The following DYRK1A variants were observed in gnomAD, a reference collection of about 807,000 sequenced individuals.
DYRK1A encodes the protein dual specificity tyrosine phosphorylation regulated kinase 1A.
A neutral mutation model predicts 79.7 loss-of-function variants in DYRK1A; 9 were observed. That is an observed-to-expected ratio of 0.11 (90% confidence interval 0.07 to 0.20). The LOEUF (loss-of-function observed/expected upper bound fraction) is 0.20. DYRK1A is among the 10% of genes least tolerant of loss of function. DYRK1A has a pLI of 1.00. For synonymous variants in DYRK1A, 349 were observed against 329.7 expected (o/e 1.06, Z -0.63); for missense variants, 622 against 956.0 (o/e 0.65, Z 4.61).
intron 2 of DYRK1A, among the ~76,000 whole-genome samples, chr21:37,424,164 G>A (rs1419527227): frequency 1.3e-5 from 2 of 152,060 alleles, no homozygotes; most frequent in Non-Finnish European, 1.5e-5. Context: ...AATTGTTGTC[G>A]TGGTCGTGTG....
At chr21:37,443,993 C>T (rs138837011) in intron 2 of DYRK1A, among the ~76,000 whole-genome samples, 8 of 152,254 alleles carry the variant, frequency 5.3e-5, no homozygotes, top group East Asian at 1.9e-4. Flanking sequence ...TGACCTGTAA[C>T]GTTGCCCCTG....
intron 2 of DYRK1A, among the ~76,000 whole-genome samples, chr21:37,443,684 C>T (rs1411365946): frequency 2.0e-5 from 3 of 151,970 alleles, no homozygotes; most frequent in Admixed American, 6.6e-5. Flanking sequence ...TCGATGTTTC[C>T]CATTCTGGTT....
At chr21:37,479,231 A>C (rs190868952) in intron 4 of DYRK1A, among the ~76,000 whole-genome samples, 1 of 152,338 alleles carries the variant, frequency 6.6e-6, no homozygotes. Flanking sequence ...ATTAGAATGA[A>C]CTCTGTGAGG....
At chr21:37,391,596 T>A (rs894810273) in intron 1 of DYRK1A, among the ~76,000 whole-genome samples, 1 of 152,244 alleles carries the variant, frequency 6.6e-6, no homozygotes, top group Non-Finnish European at 1.5e-5. Context: ...TTTGCAGTCC[T>A]CCTTAACCCC....
intron 1 of DYRK1A, among the ~76,000 whole-genome samples, chr21:37,375,338 T>C (rs1251386086): frequency 2.0e-5 from 3 of 152,192 alleles, no homozygotes; most frequent in Non-Finnish European, 4.4e-5. Flanking sequence ...AATAGATGTA[T>C]AGGCAGCTAC....
intron 2 of DYRK1A, among the ~76,000 whole-genome samples, chr21:37,431,254 C>G (rs1569315831): frequency 6.6e-6 from 1 of 152,180 alleles, no homozygotes; most frequent in Non-Finnish European, 1.5e-5. Context: ...GCTGTTGGCT[C>G]CTTCGCTTGC....
In DYRK1A at chr21:37,478,262, T is replaced by A; in HGVS notation, c.262T>A (p.Ser88Thr). Residue 88 changes from serine (S) to threonine (T), a missense_variant, in exon 4 of 12, where the codon TCT (serine) becomes ACT (threonine). Transcript: ENST00000647188. ...AGCAACTGCTCCCCTGAGAAAACTT[T>A]CTGTTGACTTGATCAAAACATACAA... The part of the protein sequence containing the change: ...DPATAPLRKL[S>T]VDLIKTYKHI... The A allele has an allele frequency of 1.2e-6, 2 of 1,614,106 alleles. No homozygotes were observed. The highest frequency in any genetic ancestry group is 1.7e-6 in the Non-Finnish European group (2 of 1,179,964).
intron 2 of DYRK1A, among the ~76,000 whole-genome samples, chr21:37,445,794 G>A (rs1332453950): frequency 6.6e-6 from 1 of 152,108 alleles, no homozygotes; most frequent in Non-Finnish European, 1.5e-5. Flanking sequence ...GTAATCAGAT[G>A]CCAAGAAAAA....
At position 37,519,432 on chromosome 21, in the gene DYRK1A, T is replaced by G. The variant is rs1345327639; in HGVS notation, c.*6901T>G. The G allele has an allele frequency of 6.6e-6, 1 of 152,244 alleles. No homozygotes were observed. Among genetic ancestry groups the G allele is most frequent in the Non-Finnish European group, 1.5e-5 (1 of 68,054 alleles). The allele number at this position is 152,244 out of a possible 1,614,324, so 9.4% of individuals were successfully genotyped here. ...CCACTTAGGAGATGCTGTGCATGCC[T>G]CAGTGAGGTAATGTCCGCAGAAAGC... On this transcript the variant is annotated 3_prime_UTR_variant, in exon 12 of 12. Coordinates refer to ENST00000647188, the MANE Select transcript of DYRK1A (RefSeq NM_001347721.2).
chr21:37,437,610 T>C (rs2050962864), intron 2 of DYRK1A, among the ~76,000 whole-genome samples: 1 of 152,220 alleles, frequency 6.6e-6, no homozygotes, highest in Non-Finnish European at 1.5e-5. Context: ...GAATTTTATA[T>C]AAACAGGATT....
chr21:37,432,125 A>G (rs1755243866), intron 2 of DYRK1A, among the ~76,000 whole-genome samples: 1 of 152,168 alleles, frequency 6.6e-6, no homozygotes, highest in African/African-American at 2.4e-5. Flanking sequence ...GAGCAAAAGT[A>G]TATTTAGTAT....
At chr21:37,508,905 G>A (rs192095946) in intron 11 of DYRK1A, among the ~76,000 whole-genome samples, 5 of 152,164 alleles carry the variant, frequency 3.3e-5, no homozygotes, top group East Asian at 3.9e-4. Flanking sequence ...TAGACCATCC[G>A]CCTGTCTTGT....
intron 6 of DYRK1A, 112 bp from the exon 7 acceptor site, chr21:37,490,059 TTAAC>T: frequency 6.5e-6 from 7 of 1,083,848 alleles, no homozygotes; most frequent in Non-Finnish European, 9.1e-6. Context: ...TCTCCAAACT[TTAAC>T]TGAACTCTGC....
intron 1 of DYRK1A, among the ~76,000 whole-genome samples, chr21:37,382,602 G>C (rs138135870): frequency 1.8e-3 from 269 of 152,202 alleles, no homozygotes; most frequent in Non-Finnish European, 2.9e-3. Flanking sequence ...CCTTTTGGCA[G>C]ATTATTTTCT....
chr21:37,439,819 T>A (rs946150530), intron 2 of DYRK1A, among the ~76,000 whole-genome samples: 2 of 152,144 alleles, frequency 1.3e-5, no homozygotes, highest in Non-Finnish European at 2.9e-5. Context: ...GGATGTTGGA[T>A]TTGTCAAATG....
chr21:37,464,301 C>G (rs563921449), intron 2 of DYRK1A: 5 of 500,976 alleles, frequency 1.0e-5, no homozygotes, highest in Admixed American at 8.3e-5. Flanking sequence ...AATATGGTCT[C>G]TAGTTATTAT....
chr21:37,458,178 T>C (rs1361158795), intron 2 of DYRK1A, among the ~76,000 whole-genome samples: 1 of 151,880 alleles, frequency 6.6e-6, no homozygotes, highest in Non-Finnish European at 1.5e-5. Flanking sequence ...TACTTACGGG[T>C]TTCTTGGAAG....
intron 2 of DYRK1A, among the ~76,000 whole-genome samples, chr21:37,422,531 T>C (rs939351574): frequency 6.6e-6 from 1 of 152,184 alleles, no homozygotes; most frequent in African/African-American, 2.4e-5. Context: ...GGCTTTGTTC[T>C]GTTGGTTAGA....
intron 1 of DYRK1A, among the ~76,000 whole-genome samples, chr21:37,392,047 T>C (rs1251282787): frequency 6.6e-6 from 1 of 152,232 alleles, no homozygotes; most frequent in African/African-American, 2.4e-5. Context: ...ATAAATGATG[T>C]TGAGTAAATT....
Sources: gnomAD v4.1 joint callset for allele counts (sites outside exome capture counted in the v4.1 genomes callset) on GRCh38, gnomAD v4.1.1 for gene constraint, MANE v1.5 for transcripts, NCBI Gene and HGNC (gene_info 2026-07-23, HGNC 2026-07-21) for gene names.